TBC1D9: variants seen among roughly 807,000 people sequenced by gnomAD.
TBC1D9 encodes the protein TBC1 domain family member 9.
A neutral mutation model predicts 132.0 loss-of-function variants in TBC1D9; 63 were observed. The observed-to-expected ratio is 0.48, with a 90% CI of 0.39 to 0.59. The LOEUF is 0.59. TBC1D9 is among the 20% of genes least tolerant of loss of function. The pLI is 0.00. For synonymous variants in TBC1D9, 610 were observed against 609.9 expected, an observed-to-expected ratio of 1.00 and a Z score of 0.00; for missense variants, 1,261 against 1,592.7, an observed-to-expected ratio of 0.79 and a Z score of 3.54.
At chr4:140,626,957 C>T (rs1382956037) in intron 18 of TBC1D9, among the ~76,000 whole-genome samples, 1 of 152,146 alleles carries the variant, frequency 6.6e-6, no homozygotes, top group African/African-American at 2.4e-5. Flanking sequence ...AAATATTTTA[C>T]TTTTGATTTT....
chr4:140,676,794 T>A (rs1737631435), intron 6 of TBC1D9, 100 bp downstream of exon 6: 1 of 1,469,100 alleles, frequency 6.8e-7, no homozygotes, highest in East Asian at 2.4e-5. Flanking sequence ...AACATTCACC[T>A]GTGTTCAAAA....
chr4:140,638,379 G>A (rs1186423806), intron 15 of TBC1D9, among the ~76,000 whole-genome samples: 1 of 151,372 alleles, frequency 6.6e-6, no homozygotes, highest in African/African-American at 2.4e-5. Context: ...TTCTTATTAA[G>A]AATCAAGATT....
chr4:140,713,229 C>T (rs1244145594), intron 1 of TBC1D9, among the ~76,000 whole-genome samples: 1 of 152,094 alleles, frequency 6.6e-6, no homozygotes, highest in Non-Finnish European at 1.5e-5. Context: ...TGAGCCGCCT[C>T]ATGGGCCTTC....
At chr4:140,697,725 T>C (rs1737992273) in intron 2 of TBC1D9, among the ~76,000 whole-genome samples, 1 of 152,168 alleles carries the variant, frequency 6.6e-6, no homozygotes, top group Non-Finnish European at 1.5e-5. Flanking sequence ...TTCATAGCAA[T>C]ACCATGGCAA....
chr4:140,657,849 C>A, intron 11 of TBC1D9, 37 bp from the exon 12 acceptor site: 1 of 1,579,350 alleles, frequency 6.3e-7, no homozygotes, highest in South Asian at 1.2e-5. Flanking sequence ...CGCAGCTTAG[C>A]CAACTACACA....
intron 1 of TBC1D9, among the ~76,000 whole-genome samples, chr4:140,737,772 G>A (rs1738698776): frequency 2.0e-5 from 3 of 152,104 alleles, no homozygotes; most frequent in African/African-American, 4.8e-5. Context: ...CCTGAAAATC[G>A]CTTTGGTGGA....
intron 1 of TBC1D9, among the ~76,000 whole-genome samples, chr4:140,723,925 T>C (rs1378869489): frequency 6.6e-6 from 1 of 152,076 alleles, no homozygotes; most frequent in Non-Finnish European, 1.5e-5. Flanking sequence ...TTTTATTTTA[T>C]AGAGACAAAG....
chr4:140,738,378 G>A (rs896136295), intron 1 of TBC1D9, among the ~76,000 whole-genome samples: 4 of 152,152 alleles, frequency 2.6e-5, no homozygotes, highest in African/African-American at 9.7e-5. Context: ...CTTTTCACAT[G>A]TAAAATGTAG....
At chr4:140,695,797 G>T (rs1737945939) in intron 2 of TBC1D9, among the ~76,000 whole-genome samples, 1 of 152,172 alleles carries the variant, frequency 6.6e-6, no homozygotes, top group African/African-American at 2.4e-5. Flanking sequence ...AACAAGAGCT[G>T]CTGGTAGCAT....
At chr4:140,686,609 G>A in intron 2 of TBC1D9, 147 bp from the exon 3 acceptor site, 4 of 578,776 alleles carry the variant, frequency 6.9e-6, no homozygotes, top group South Asian at 4.6e-5. Flanking sequence ...TCCTCCAGAG[G>A]AGACACACAC....
intron 13 of TBC1D9, chr4:140,645,005 G>A: frequency 2.1e-6 from 1 of 466,522 alleles, no homozygotes; most frequent in Non-Finnish European, 4.3e-6. Flanking sequence ...TGCCCGAGCG[G>A]GACAACCAGG....
At chr4:140,696,990 T>C (rs893145484) in intron 2 of TBC1D9, among the ~76,000 whole-genome samples, 5 of 152,198 alleles carry the variant, frequency 3.3e-5, no homozygotes, top group Admixed American at 3.3e-4. Flanking sequence ...AGATATATTT[T>C]AAAAATCTTA....
intron 2 of TBC1D9, among the ~76,000 whole-genome samples, chr4:140,693,024 T>A (rs1437724330): frequency 1.3e-5 from 2 of 151,786 alleles, no homozygotes; most frequent in Non-Finnish European, 2.9e-5. Flanking sequence ...TGAGACCCTG[T>A]TTCAAAAAAA....
At position 140,657,211 on chromosome 4, in the gene TBC1D9, C is replaced by T; in HGVS notation, c.2223G>A (p.Val741=). 6.2e-7 allele frequency: 1 copy of T among 1,613,808 alleles called. No homozygotes were observed. Among genetic ancestry groups the T allele is most frequent in the Non-Finnish European group, 8.5e-7 (1 of 1,179,810 alleles). ...GAGGCAGTGTGCTGTCTTTATTGGTCACACTGTCTAAATACCTGGAAGAAG... is the reference window on the plus strand; with the variant it reads ...GAGGCAGTGTGCTGTCTTTATTGGTTACACTGTCTAAATACCTGGAAGAAG... ...MTVLGRYLDS[V]TNKDSTLPPI... is the part of the protein sequence containing the mutation. Residue 741 remains valine, a synonymous_variant, in exon 13 of 21, where the codon GTG becomes GTA. Coordinates refer to ENST00000442267, the MANE Select transcript of TBC1D9 (RefSeq NM_015130.3).
chr4:140,737,994 G>T (rs533063257), intron 1 of TBC1D9, among the ~76,000 whole-genome samples: 5 of 152,208 alleles, frequency 3.3e-5, no homozygotes, highest in Admixed American at 6.5e-5. Context: ...AGAAAAAATC[G>T]ATTTGGGAGC....
At chr4:140,624,499 G>A in intron 18 of TBC1D9, 111 bp from the exon 19 acceptor site, 2 of 843,564 alleles carry the variant, frequency 2.4e-6, no homozygotes, top group South Asian at 1.8e-5. Flanking sequence ...GCCTGATTTA[G>A]CAAACAAACA....
intron 2 of TBC1D9, among the ~76,000 whole-genome samples, chr4:140,694,952 G>A (rs1173626427): frequency 2.0e-5 from 3 of 152,016 alleles, no homozygotes; most frequent in Admixed American, 6.6e-5. Context: ...CTAAAGATAC[G>A]AGAATAGTCC....
intron 1 of TBC1D9, among the ~76,000 whole-genome samples, chr4:140,750,159 T>TA (rs59794272): frequency 0.59 from 87,124 of 148,554 alleles, 27,765 homozygotes; most frequent in African/African-American, 0.86. Flanking sequence ...GAACAAAAAT[T>TA]AAAAAAAAAA....
chr4:140,671,398 G>T (rs1313685095), intron 6 of TBC1D9, among the ~76,000 whole-genome samples: 1 of 152,140 alleles, frequency 6.6e-6, no homozygotes. Flanking sequence ...GGAATTATTT[G>T]ATTTTCATTA....
Sources: allele counts gnomAD v4.1 joint callset (sites outside exome capture counted in the v4.1 genomes callset), GRCh38; gene constraint gnomAD v4.1.1; transcripts MANE v1.5; gene names NCBI Gene and HGNC (gene_info 2026-07-23, HGNC 2026-07-21).